AFF3: variants seen among roughly 807,000 people sequenced by gnomAD.
The protein encoded by AFF3 is ALF transcription elongation factor 3.
Under a neutral mutation model 129.7 loss-of-function variants are expected in AFF3, and 32 were observed. The observed-to-expected ratio is 0.25, with a 90% CI of 0.19 to 0.33. The LOEUF is 0.33. AFF3 is among the 10% of genes least tolerant of loss of function. The pLI is 1.00. For missense variants in AFF3, 1,373 were observed against 1,592.0 expected, an observed-to-expected ratio of 0.86 and a Z score of 2.34; for synonymous variants, 644 against 635.4, an observed-to-expected ratio of 1.01 and a Z score of -0.20.
chr2:99,601,513 G>A lies in AFF3; in HGVS notation c.1293C>T (p.Ser431=), dbSNP rs745730624. 3 of 1,606,396 alleles carry A rather than the reference G, an allele frequency of 1.9e-6. No homozygotes were observed. The highest frequency in any genetic ancestry group is 2.5e-6 in the Non-Finnish European group (3 of 1,177,204). The change falls in exon 14 of 25, where the codon AGC becomes AGT. Residue 431 remains serine (S), a synonymous_variant. Transcript: ENST00000672756. ...TCTCGGTCTCCGAGTCAGATCCGGAGCTGCTCTCTGAGTCGCTGGAGGAGC... is the reference window on the plus strand; with the variant it reads ...TCTCGGTCTCCGAGTCAGATCCGGAACTGCTCTCTGAGTCGCTGGAGGAGC... ...SSSSSSDSES[S]SGSDSETESS... is the part of the protein sequence containing the mutation.
chr2:100,112,886 A>C (rs116398129), intron 2 of AFF3, among the ~76,000 whole-genome samples: 4,641 of 152,264 alleles, frequency 0.03, 117 homozygotes, highest in Non-Finnish European at 0.051. Context: ...CAAAGCTCCT[A>C]CTCACCTGTG....
chr2:99,571,678 T>C lies in AFF3; in HGVS notation c.2919-2763A>G, dbSNP rs560253437. ...ATTTGTTAGAACTCTCATCTTTGCA[T>C]AGAATGGAGGGCTCACTATAATGAG... On this transcript the variant is annotated intron_variant, in intron 18 of 24. Transcript: ENST00000672756. 3.9e-5 allele frequency among the ~76,000 whole-genome samples: 6 copies of C among 152,340 alleles called. No homozygotes were observed. In the East Asian group the frequency reaches 7.7e-4, roughly 20 times the overall value.
At chr2:99,894,898 C>A (rs1023730598) in intron 7 of AFF3, among the ~76,000 whole-genome samples, 1 of 152,126 alleles carries the variant, frequency 6.6e-6, no homozygotes, top group African/African-American at 2.4e-5. Context: ...AGTCTGTATC[C>A]AAAATTAACC....
chr2:100,036,316 C>G (rs1261348812), intron 4 of AFF3, among the ~76,000 whole-genome samples: 2 of 151,984 alleles, frequency 1.3e-5, no homozygotes, highest in African/African-American at 4.8e-5. Flanking sequence ...TACCCTAGCA[C>G]CCATTAGTAT....
intron 3 of AFF3, chr2:100,104,732 C>CCCCCCG (rs1216272238): frequency 2.1e-6 from 2 of 964,440 alleles, no homozygotes; most frequent in South Asian, 4.7e-5. Flanking sequence ...GCCGCCGCCG[C>CCCCCCG]CCCCCGCCCC....
At chr2:99,837,452 A>G in intron 8 of AFF3, 25 bp downstream of exon 8, 1 of 1,605,536 alleles carries the variant, frequency 6.2e-7, no homozygotes. Context: ...ACAGATTGAT[A>G]AGACTGTTTA....
chr2:99,590,790 C>T lies in AFF3; in HGVS notation c.2466+2405G>A, dbSNP rs370465182. On this transcript the variant is annotated intron_variant, in intron 15 of 24. Coordinates refer to ENST00000672756, the MANE Select transcript of AFF3 (RefSeq NM_001386135.1). ...GGCGGATCACCTGAGGTTGGGAGTTCGAGACCAGCCTGACCAACAATGGTG... is the reference window on the plus strand; with the variant it reads ...GGCGGATCACCTGAGGTTGGGAGTTTGAGACCAGCCTGACCAACAATGGTG... 6.9e-4 allele frequency among the ~76,000 whole-genome samples: 105 copies of T among 152,084 alleles called. No homozygotes were observed. In the South Asian group the frequency reaches 0.014, roughly 20 times the overall value.
intron 4 of AFF3, among the ~76,000 whole-genome samples, chr2:100,012,847 T>C (rs148429648): frequency 1.3e-5 from 2 of 152,362 alleles, no homozygotes; most frequent in East Asian, 1.9e-4. Flanking sequence ...TTATGAGTTA[T>C]GTTTCTTTGT....
intron 8 of AFF3, among the ~76,000 whole-genome samples, chr2:99,758,845 C>T (rs1251987293): frequency 6.6e-6 from 1 of 152,164 alleles, no homozygotes; most frequent in East Asian, 1.9e-4. Flanking sequence ...TAACTCTTTA[C>T]TCCCAGTCCA....
At position 100,142,569 on chromosome 2, in the gene AFF3, G is replaced by A. The variant is rs911954162; in HGVS notation, c.-313C>T. ...AGGCTGAGCGTGGAGCTCTCTTCTCGCTGGCGAGCTTTCTGAATGGCACTT... is the reference window on the plus strand; with the variant it reads ...AGGCTGAGCGTGGAGCTCTCTTCTCACTGGCGAGCTTTCTGAATGGCACTT... On this transcript the variant is annotated 5_prime_UTR_variant, in exon 1 of 25. Transcript: ENST00000672756. The A allele has an allele frequency of 1.4e-4, 22 of 152,340 alleles. No individual in the cohort carries two copies. Among genetic ancestry groups the A allele is most frequent in the African/African-American group, 4.3e-4 (18 of 41,454 alleles). 9.4% of individuals were successfully genotyped at this position (152,340 alleles called of 1,614,324 possible). A position where few individuals can be genotyped will look rare whatever the true frequency, so the allele number is the denominator to read the frequency against.
At chr2:99,792,728 T>C (rs1685287300) in intron 8 of AFF3, among the ~76,000 whole-genome samples, 1 of 152,212 alleles carries the variant, frequency 6.6e-6, no homozygotes, top group Non-Finnish European at 1.5e-5. Context: ...GAAATATTCA[T>C]ATAATTTTAT....
chr2:99,643,344 T>C (rs1398037577), intron 13 of AFF3, among the ~76,000 whole-genome samples: 2 of 152,136 alleles, frequency 1.3e-5, no homozygotes, highest in Non-Finnish European at 2.9e-5. Flanking sequence ...AGGCATGAGC[T>C]ACCGAGCCCA....
At chr2:100,006,448 A>T in intron 7 of AFF3, 184 bp downstream of exon 7, 1 of 707,324 alleles carries the variant, frequency 1.4e-6, no homozygotes, top group Non-Finnish European at 2.1e-6. Context: ...AAATTATAAT[A>T]AATTTGAGAT....
chr2:99,611,521 C>T (rs1680918267), intron 13 of AFF3, among the ~76,000 whole-genome samples: 1 of 152,150 alleles, frequency 6.6e-6, no homozygotes, highest in Admixed American at 6.5e-5. Context: ...AAGCTCCCCA[C>T]TCAGGCTTTG....
intron 7 of AFF3, among the ~76,000 whole-genome samples, chr2:99,847,012 G>T (rs1452744607): frequency 6.6e-6 from 1 of 152,180 alleles, no homozygotes; most frequent in Admixed American, 6.5e-5. Context: ...CCAGAGCACA[G>T]GAGAGAAGGC....
At chr2:100,043,909 T>C (rs1280287164) in intron 4 of AFF3, among the ~76,000 whole-genome samples, 1 of 152,226 alleles carries the variant, frequency 6.6e-6, no homozygotes, top group Non-Finnish European at 1.5e-5. Context: ...CTCCTCGTGG[T>C]GTTCATCCTC....
chr2:99,618,224 CTTTTTTTTTTTTTTTTTT>C (rs70940180), intron 13 of AFF3, among the ~76,000 whole-genome samples: 1 of 80,084 alleles, frequency 1.2e-5, no homozygotes, highest in Admixed American at 1.5e-4. Context: ...TCATAACATT[CTTTTTTTTTTTTTTTTTT>C]TTTTTTTTTT....
intron 20 of AFF3, among the ~76,000 whole-genome samples, chr2:99,564,519 TA>T (rs1429702264): frequency 1.3e-5 from 2 of 152,236 alleles, no homozygotes; most frequent in Non-Finnish European, 2.9e-5. Flanking sequence ...GTGTTGACTT[TA>T]AAACATTCTT....
At chr2:99,958,791 G>C (rs1676920359) in intron 7 of AFF3, among the ~76,000 whole-genome samples, 1 of 151,982 alleles carries the variant, frequency 6.6e-6, no homozygotes, top group Admixed American at 6.6e-5. Flanking sequence ...GGGAGCCAGA[G>C]GATTTTTGAG....
Sources: allele counts gnomAD v4.1 joint callset (sites outside exome capture counted in the v4.1 genomes callset), GRCh38; gene constraint gnomAD v4.1.1; transcripts MANE v1.5; gene names NCBI Gene and HGNC (gene_info 2026-07-23, HGNC 2026-07-21).